The following C1orf94 variants were observed in gnomAD, a reference collection of about 807,000 sequenced individuals.
C1orf94 encodes uncharacterized protein C1orf94.
C1orf94 carries 45 observed loss-of-function variants against 53.6 expected under a neutral mutation model. The ratio of observed to expected loss-of-function variants is 0.84; its 90% CI spans 0.66 to 1.08. The LOEUF is 1.08. Among genes scored for constraint, C1orf94 ranks in the 50% least tolerant of loss-of-function variants. The probability of loss-of-function intolerance (pLI) is 0.00; values close to 1 mark genes in which losing one functional copy is unlikely to be tolerated. For synonymous variants in C1orf94, 304 were observed against 296.1 expected, an observed-to-expected ratio of 1.03 and a Z score of -0.27; for missense variants, 762 against 738.9, an observed-to-expected ratio of 1.03 and a Z score of -0.36.
chr1:34,194,894 C>G (rs1642555290), intron 1 of C1orf94, among the ~76,000 whole-genome samples: 1 of 152,154 alleles, frequency 6.6e-6, no homozygotes, highest in African/African-American at 2.4e-5. Flanking sequence ...ACTAGTCTGA[C>G]TCCTGTGACT....
intron 1 of C1orf94, among the ~76,000 whole-genome samples, chr1:34,167,871 T>C (rs1642075489): frequency 6.6e-6 from 1 of 152,072 alleles, no homozygotes; most frequent in Non-Finnish European, 1.5e-5. Context: ...ACCTGAGACA[T>C]GGATAAAGAC....
intron 1 of C1orf94, among the ~76,000 whole-genome samples, chr1:34,195,351 G>C: frequency 6.6e-6 from 1 of 152,140 alleles, no homozygotes; most frequent in Non-Finnish European, 1.5e-5. Context: ...TTTTACAGGG[G>C]AGGACACTGA....
At chr1:34,202,053 T>C in intron 3 of C1orf94, 31 bp from the exon 4 acceptor site, 1 of 1,604,768 alleles carries the variant, frequency 6.2e-7, no homozygotes, top group Non-Finnish European at 8.5e-7. Context: ...CCTCCATCAC[T>C]GACCCGCTTT....
chr1:34,171,506 T>A (rs1293361202), intron 1 of C1orf94, among the ~76,000 whole-genome samples: 1 of 152,186 alleles, frequency 6.6e-6, no homozygotes, highest in African/African-American at 2.4e-5. Flanking sequence ...TGCTCAGTAC[T>A]GTTTGTGGAA....
rs116116818 is a variant in C1orf94 at position 34,213,356 on chromosome 1, T to C, written c.1721+950T>C. 5.2e-3 allele frequency among the ~76,000 whole-genome samples: 789 copies of C among 152,280 alleles called. 6 individuals are homozygous for C. Among genetic ancestry groups the C allele is most frequent in the African/African-American group, 0.018 (765 of 41,530 alleles). ...CAAATAGCTTGTTGAAAGGGATAAA[T>C]GCAGCAAGTGGTTTCAGTAGTCAGA... On this transcript the variant is annotated intron_variant, in intron 6 of 6. Coordinates refer to ENST00000488417, the MANE Select transcript of C1orf94 (RefSeq NM_001134734.2).
intron 6 of C1orf94, among the ~76,000 whole-genome samples, chr1:34,216,638 G>A (rs1642992943): frequency 6.6e-6 from 1 of 152,052 alleles, no homozygotes; most frequent in Non-Finnish European, 1.5e-5. Context: ...GGAGAGGAAG[G>A]AGTGAGAGGC....
upstream of C1orf94, among the ~76,000 whole-genome samples, chr1:34,172,325 T>A (rs1455371969): frequency 6.6e-6 from 1 of 151,430 alleles, no homozygotes; most frequent in Non-Finnish European, 1.5e-5. Flanking sequence ...AGGCTGCCAT[T>A]TTTACATTGC....
upstream of C1orf94, among the ~76,000 whole-genome samples, chr1:34,174,075 C>G (rs1206908820): frequency 1.3e-5 from 2 of 152,250 alleles, no homozygotes; most frequent in Admixed American, 6.5e-5. Flanking sequence ...TTCATCATCT[C>G]TAATCCCTGT....
At position 34,184,067 on chromosome 1, in the gene C1orf94, G is replaced by A. The variant is rs537273453; in HGVS notation, c.320+5958G>A. 3.3e-5 allele frequency among the ~76,000 whole-genome samples: 5 copies of A among 152,262 alleles called. No homozygotes were observed. The East Asian group carries it at 9.7e-4, about 29-fold the overall frequency. On this transcript the variant is annotated intron_variant, in intron 1 of 6. Transcript: ENST00000488417. ...GGACACATGACTGAACATTGTACTT[G>A]ACTACTGGACTGGGCTTGGTACTTA...
chr1:34,193,233 T>C (rs1392542920), intron 1 of C1orf94, among the ~76,000 whole-genome samples: 2 of 152,162 alleles, frequency 1.3e-5, no homozygotes, highest in African/African-American at 4.8e-5. Flanking sequence ...CCCAAAATGT[T>C]GATCCAGGAT....
At chr1:34,173,425 TTCCCA>T (rs1249109474), upstream of C1orf94, among the ~76,000 whole-genome samples, 1 of 152,180 alleles carries the variant, frequency 6.6e-6, no homozygotes, top group Non-Finnish European at 1.5e-5. Flanking sequence ...GCCTAGGCCA[TTCCCA>T]CGTTTCTGAG....
At position 34,197,655 on chromosome 1, in the gene C1orf94, T is replaced by C. The variant is rs777252604; in HGVS notation, c.751T>C (p.Ser251Pro). The change falls in exon 2 of 7, where the codon TCC becomes CCC. Residue 251 changes from serine to proline, a missense_variant. By Grantham distance (74) the Ser-to-Pro change is moderately conservative. Coordinates refer to ENST00000488417, the MANE Select transcript of C1orf94 (RefSeq NM_001134734.2). This position sits in a 1 kb window ranked among gnomAD's most constrained non-coding sequence, Gnocchi z 4.1. ...GTTCCCACTGAAGTCCACTGAGACA[T>C]CCAAGGTCCCTGACAACAAGAATGT... Reference protein sequence around the residue: ...SQFPLKSTETSKVPDNKNVLD... With the variant: ...SQFPLKSTETPKVPDNKNVLD... The C allele has an allele frequency of 6.2e-7, 1 of 1,614,092 alleles. No homozygotes were observed. The highest frequency in any genetic ancestry group is 8.5e-7 in the Non-Finnish European group (1 of 1,180,008).
At chr1:34,170,297 G>A (rs898557999) in intron 1 of C1orf94, among the ~76,000 whole-genome samples, 2 of 152,192 alleles carry the variant, frequency 1.3e-5, no homozygotes, top group Admixed American at 1.3e-4. Context: ...CTGTCCTCAG[G>A]GGGTTGAGAG....
chr1:34,208,342 C>G (rs942855910), intron 5 of C1orf94, 108 bp downstream of exon 5: 8 of 1,103,002 alleles, frequency 7.3e-6, no homozygotes, highest in Non-Finnish European at 1.1e-5. Flanking sequence ...ACACCTGGCC[C>G]ACCATTGGCT....
At chr1:34,196,820 T>A (rs1003132335) in intron 1 of C1orf94, among the ~76,000 whole-genome samples, 5 of 152,160 alleles carry the variant, frequency 3.3e-5, no homozygotes, top group Non-Finnish European at 7.4e-5. Flanking sequence ...ACTCTGCACT[T>A]AGAGCTGTTG....
In C1orf94 at chr1:34,216,232, A is replaced by G. The variant is rs183266062; in HGVS notation, c.1722-2454A>G. Among the ~76,000 whole-genome samples, 234 of 152,274 alleles carry G rather than the reference A, an allele frequency of 1.5e-3. 1 individual carries two copies. Among genetic ancestry groups the G allele is most frequent in the African/African-American group, 5.5e-3 (230 of 41,556 alleles). On this transcript the variant is annotated intron_variant, in intron 6 of 6. Coordinates refer to ENST00000488417, the MANE Select transcript of C1orf94 (RefSeq NM_001134734.2). ...ATACGTTTGGGAGCCATTCTCATAT[A>G]CATGATATTTCAAGGCAAGGGATGG... is the stretch of plus-strand genomic sequence containing the variant.
At chr1:34,208,333 C>A in intron 5 of C1orf94, 99 bp downstream of exon 5, 2 of 1,171,786 alleles carry the variant, frequency 1.7e-6, no homozygotes, top group Non-Finnish European at 1.2e-6. Flanking sequence ...GGTGACCAGA[C>A]ACCTGGCCCA....
At chr1:34,167,190 C>T (rs1642048560) in intron 1 of C1orf94, 3 of 152,410 alleles carry the variant, frequency 2.0e-5, no homozygotes, top group Non-Finnish European at 2.9e-5. Context: ...TGGTGGTGGC[C>T]TTGGGGGCTG....
chr1:34,193,115 A>G (rs1642520208), intron 1 of C1orf94, among the ~76,000 whole-genome samples: 1 of 152,098 alleles, frequency 6.6e-6, no homozygotes. Context: ...GAGACCCTGA[A>G]TCAGGGACTT....
Sources: gnomAD v4.1 joint callset for allele counts (sites outside exome capture counted in the v4.1 genomes callset) on GRCh38, gnomAD v4.1.1 for gene constraint, Gnocchi (gnomAD v3.1) non-coding constraint, MANE v1.5 for transcripts, NCBI Gene and HGNC (gene_info 2026-07-23, HGNC 2026-07-21) for gene names.